RARS2: variants seen among roughly 807,000 people sequenced by gnomAD.
RARS2 encodes probable arginine--tRNA ligase, mitochondrial.
RARS2 carries 67 observed loss-of-function variants against 88.5 expected under a neutral mutation model. The observed-to-expected ratio is 0.76, with a 90% confidence interval of 0.62 to 0.93. The LOEUF (loss-of-function observed/expected upper bound fraction) is 0.93, where lower values mean the gene tolerates loss of function less well. RARS2 is among the 40% of genes least tolerant of loss of function. The pLI, the probability that RARS2 is intolerant of heterozygous loss-of-function variation, is 0.00. For synonymous variants in RARS2, 239 were observed against 230.3 expected (o/e 1.04, Z -0.34); for missense variants, 664 against 684.2 (o/e 0.97, Z 0.33).
intron 8 of RARS2, among the ~76,000 whole-genome samples, chr6:87,539,174 T>C (rs1256889395): frequency 3.3e-5 from 5 of 152,120 alleles, no homozygotes; most frequent in African/African-American, 9.7e-5. Flanking sequence ...AAAGAATAAC[T>C]CTCACATGTC....
chr6:87,551,564 A>T (rs1201589381), intron 5 of RARS2, among the ~76,000 whole-genome samples: 2 of 136,636 alleles, frequency 1.5e-5, no homozygotes, highest in Non-Finnish European at 3.0e-5. Flanking sequence ...GGGGAGGCAG[A>T]GGCTGCAATG....
chr6:87,526,462 G>C (rs1775751471), intron 10 of RARS2, among the ~76,000 whole-genome samples: 1 of 151,580 alleles, frequency 6.6e-6, no homozygotes, highest in Admixed American at 6.6e-5. Context: ...GTTGTAGTGA[G>C]CCAAGAAAGC....
intron 7 of RARS2, among the ~76,000 whole-genome samples, chr6:87,544,311 A>G (rs776238914): frequency 1.4e-4 from 22 of 152,236 alleles, no homozygotes; most frequent in Non-Finnish European, 3.2e-4. Context: ...ATTCTTCCAT[A>G]GTGAACAGTA....
chr6:87,575,229 A>ACACACACACACG (rs1771054602), intron 1 of RARS2, among the ~76,000 whole-genome samples: 1 of 65,258 alleles, frequency 1.5e-5, no homozygotes, highest in Non-Finnish European at 3.2e-5. Context: ...TAGAAAGCAC[A>ACACACACACACG]CACACACACA....
At chr6:87,526,690 G>C (rs1775840603) in intron 10 of RARS2, among the ~76,000 whole-genome samples, 1 of 145,782 alleles carries the variant, frequency 6.9e-6, no homozygotes. Context: ...TTTTTTTTGA[G>C]ATGGAATTTC....
intron 18 of RARS2, among the ~76,000 whole-genome samples, chr6:87,515,527 A>AG (rs1400856138): frequency 6.6e-6 from 1 of 152,052 alleles, no homozygotes; most frequent in African/African-American, 2.4e-5. Context: ...CTCAAAAAAA[A>AG]AAAAAGATTA....
intron 5 of RARS2, among the ~76,000 whole-genome samples, chr6:87,551,486 C>T (rs905089974): frequency 1.3e-5 from 2 of 151,414 alleles, no homozygotes; most frequent in Admixed American, 6.6e-5. Flanking sequence ...ATTAGCTGGG[C>T]GTGGTGGTGC....
At chr6:87,538,894 T>G (rs1235202571) in intron 8 of RARS2, among the ~76,000 whole-genome samples, 3 of 151,680 alleles carry the variant, frequency 2.0e-5, no homozygotes, top group Non-Finnish European at 4.4e-5. Context: ...ATTAGTTGGG[T>G]GTGCTGGTGT....
chr6:87,578,118 C>G (rs71572766), intron 1 of RARS2, among the ~76,000 whole-genome samples: 4,966 of 149,714 alleles, frequency 0.033, 121 homozygotes, highest in Middle Eastern at 0.055. Flanking sequence ...CCCCCCCCCC[C>G]GCCATCTCTA....
At chr6:87,573,433 AC>A (rs1770423067) in intron 1 of RARS2, among the ~76,000 whole-genome samples, 1 of 152,240 alleles carries the variant, frequency 6.6e-6, no homozygotes, top group Non-Finnish European at 1.5e-5. Flanking sequence ...GGGTGGGGAC[AC>A]AGAGCCAAAC....
chr6:87,540,446 CA>C (rs34144204), intron 8 of RARS2, among the ~76,000 whole-genome samples: 339 of 42,336 alleles, frequency 8.0e-3, no homozygotes, highest in South Asian at 0.014. Flanking sequence ...TGAGACTCCT[CA>C]AAAAAAAAAA....
Position 87,555,443 on chromosome 6 carries a change from A to T in RARS2, c.360T>A (p.Ser120=). The change falls in exon 5 of 20, where the codon TCT becomes TCA. Residue 120 remains serine (S), a synonymous_variant. Transcript: ENST00000369536. ...CCACAATCTTCTTCTGGGGAAGTCC[A>T]GAGAAAAGTTCACTTTTTAATCCAT... ...SKYGLKSELF[S]GLPQKKIVVE... 3 of 1,614,078 alleles carry T rather than the reference A, an allele frequency of 1.9e-6. No individual in the cohort carries two copies. Among genetic ancestry groups the T allele is most frequent in the Non-Finnish European group, 2.5e-6 (3 of 1,179,958 alleles).
intron 5 of RARS2, among the ~76,000 whole-genome samples, chr6:87,550,184 T>C (rs1783897125): frequency 1.3e-5 from 2 of 152,288 alleles, no homozygotes; most frequent in East Asian, 3.9e-4. Context: ...AAACCTTCCA[T>C]TTCCAGCCAA....
Position 87,516,696 on chromosome 6 carries a change from C to G in RARS2, c.1586+110G>C, listed in dbSNP as rs1771864042. The G allele has an allele frequency of 2.0e-6, 3 of 1,470,084 alleles. No homozygotes were observed. The East Asian group carries it at 7.6e-5, about 37-fold the overall frequency. 91.1% of individuals were successfully genotyped at this position (1,470,084 alleles called of 1,614,324 possible). On this transcript the variant is annotated intron_variant, in intron 18 of 19. Coordinates refer to ENST00000369536, the MANE Select transcript of RARS2 (RefSeq NM_020320.5). ...ATAGATGAAGCAATAATTCCTGTAA[C>G]TAAAAGCACATCAAATTTTAGGCCA...
At chr6:87,549,537 T>G (rs1783718148) in intron 5 of RARS2, among the ~76,000 whole-genome samples, 1 of 150,490 alleles carries the variant, frequency 6.6e-6, no homozygotes, top group Non-Finnish European at 1.5e-5. Context: ...CAGAGTAAGA[T>G]TCTGTCTGTA....
intron 8 of RARS2, among the ~76,000 whole-genome samples, chr6:87,541,467 T>C (rs1163883337): frequency 1.3e-5 from 2 of 152,148 alleles, no homozygotes; most frequent in Non-Finnish European, 2.9e-5. Context: ...TGAGTCACTG[T>C]GCCCAGCCAA....
At chr6:87,580,135 A>C (rs2128218509) in intron 1 of RARS2, among the ~76,000 whole-genome samples, 1 of 152,096 alleles carries the variant, frequency 6.6e-6, no homozygotes, top group Admixed American at 6.5e-5. Context: ...TTGGATTTGG[A>C]GCTTTCTTGG....
intron 17 of RARS2, 66 bp downstream of exon 17, chr6:87,518,103 G>A: frequency 1.2e-6 from 2 of 1,613,194 alleles, no homozygotes; most frequent in Non-Finnish European, 1.7e-6. Flanking sequence ...CTACTGGGCA[G>A]CAAAAATGCT....
At chr6:87,588,757 G>A (rs1248254098) in intron 1 of RARS2, among the ~76,000 whole-genome samples, 1 of 152,030 alleles carries the variant, frequency 6.6e-6, no homozygotes, top group East Asian at 1.9e-4. Context: ...ATCTTAAACC[G>A]CTGTATCAGA....
Sources: gnomAD v4.1 joint callset for allele counts (sites outside exome capture counted in the v4.1 genomes callset) on GRCh38, gnomAD v4.1.1 for gene constraint, MANE v1.5 for transcripts, NCBI Gene and HGNC (gene_info 2026-07-23, HGNC 2026-07-21) for gene names.